DPYS: variants seen among roughly 807,000 people sequenced by gnomAD.
The protein encoded by DPYS is dihydropyrimidine amidohydrolase.
A neutral mutation model predicts 50.3 loss-of-function variants in DPYS; 39 were observed. That is an observed-to-expected ratio of 0.78 (90% confidence interval 0.60 to 1.01). The LOEUF (loss-of-function observed/expected upper bound fraction) is 1.01, where lower values mean the gene tolerates loss of function less well. DPYS is among the 50% of genes least tolerant of loss of function. The pLI is 0.00. For missense variants in DPYS, 659 were observed against 680.9 expected, an observed-to-expected ratio of 0.97 and a Z score of 0.36; for synonymous variants, 245 against 250.7, an observed-to-expected ratio of 0.98 and a Z score of 0.22.
chr8:104,433,581 C>T (rs945991763), intron 4 of DPYS, among the ~76,000 whole-genome samples: 2 of 152,046 alleles, frequency 1.3e-5, no homozygotes, highest in African/African-American at 4.8e-5. Context: ...GTGCAGTGAG[C>T]CAAGGTCATG....
chr8:104,399,491 G>T (rs920613822), intron 7 of DPYS, among the ~76,000 whole-genome samples: 9 of 152,112 alleles, frequency 5.9e-5, no homozygotes, highest in Non-Finnish European at 8.8e-5. Flanking sequence ...CCTGAGACAT[G>T]CAGGAGAACA....
In DPYS at chr8:104,429,617, G is replaced by A. The variant is rs773862108; in HGVS notation, c.878C>T (p.Ala293Val). 6 of 1,614,142 alleles carry A rather than the reference G, an allele frequency of 3.7e-6. No individual in the cohort carries two copies. In the East Asian group the frequency reaches 8.9e-5, roughly 24 times the overall value. Residue 293 changes from alanine (A) to valine (V), a missense_variant, in exon 5 of 10, where the codon GCC (alanine) becomes GTC (valine). By Grantham distance (64) the Ala-to-Val change is moderately conservative (BLOSUM62 0). Coordinates refer to ENST00000351513, the MANE Select transcript of DPYS (RefSeq NM_001385.3). ...CAAAGGTGGACCCATGACATGGTGG[G>A]CTGCATGGTGCCATTCTTTATTCCA... is the stretch of plus-strand genomic sequence containing the variant. ...HYWNKEWHHA[A>V]HHVMGPPLRP... is the part of the protein sequence containing the mutation.
intron 4 of DPYS, among the ~76,000 whole-genome samples, chr8:104,435,718 A>C (rs1213269921): frequency 6.6e-6 from 1 of 152,140 alleles, no homozygotes; most frequent in East Asian, 1.9e-4. Flanking sequence ...ATGAGCAAAA[A>C]GAAATCTCAG....
intron 3 of DPYS, 51 bp from the exon 4 acceptor site, chr8:104,444,488 C>T: frequency 6.3e-7 from 1 of 1,590,330 alleles, no homozygotes; most frequent in South Asian, 1.1e-5. Flanking sequence ...TTACTAATGA[C>T]AGATATCATT....
rs753454667 is a variant in DPYS, at chr8:104,424,242, C to T, written c.1235+5G>A. 1.9e-6 allele frequency: 3 copies of T among 1,614,110 alleles called. No homozygotes were observed. In the South Asian group the frequency reaches 3.3e-5, roughly 18 times the overall value. On this transcript the variant is annotated splice_donor_5th_base_variant and intron_variant, in intron 7 of 9. Coordinates refer to ENST00000351513, the MANE Select transcript of DPYS (RefSeq NM_001385.3). ...AAGCCAAGGAATACAAGAACTTAGA[C>T]TTACCTTGTGCCTTTTGGGTCCCAA...
chr8:104,398,757 T>C (rs1811675768), intron 7 of DPYS, among the ~76,000 whole-genome samples: 1 of 152,180 alleles, frequency 6.6e-6, no homozygotes, highest in South Asian at 2.1e-4. Flanking sequence ...AGGGCCATTG[T>C]CATATAGCAC....
intron 8 of DPYS, among the ~76,000 whole-genome samples, chr8:104,384,816 AAC>A (rs1299978521): frequency 2.6e-5 from 4 of 152,208 alleles, no homozygotes; most frequent in African/African-American, 9.7e-5. Flanking sequence ...AGGATGAGGA[AAC>A]AGAGTACTCT....
chr8:104,437,466 A>G (rs1020100588), intron 4 of DPYS, among the ~76,000 whole-genome samples: 3 of 152,196 alleles, frequency 2.0e-5, no homozygotes, highest in African/African-American at 4.8e-5. Context: ...TATATTAGCT[A>G]AAAGACTCTC....
chr8:104,389,435 C>A (rs1811317671), intron 8 of DPYS, among the ~76,000 whole-genome samples: 1 of 152,192 alleles, frequency 6.6e-6, no homozygotes, highest in Non-Finnish European at 1.5e-5. Context: ...GTTCCCAAAC[C>A]TCATTTCATT....
intron 3 of DPYS, among the ~76,000 whole-genome samples, chr8:104,445,861 C>T (rs990733625): frequency 2.0e-5 from 3 of 152,004 alleles, no homozygotes; most frequent in South Asian, 2.1e-4. Context: ...CTGGCTAACA[C>T]GGGGAAACCC....
chr8:104,387,553 C>T (rs1357649985), intron 8 of DPYS, among the ~76,000 whole-genome samples: 1 of 152,078 alleles, frequency 6.6e-6, no homozygotes, highest in African/African-American at 2.4e-5. Flanking sequence ...TAGGATACTG[C>T]AGTGATACAA....
chr8:104,444,519 C>T (rs1813464002), intron 3 of DPYS, 82 bp from the exon 4 acceptor site: 7 of 1,491,110 alleles, frequency 4.7e-6, no homozygotes, highest in Non-Finnish European at 5.5e-6. Context: ...AAATTAAATG[C>T]AATGCCAGGC....
chr8:104,450,962 A>G (rs962201671), intron 2 of DPYS, among the ~76,000 whole-genome samples: 1 of 152,242 alleles, frequency 6.6e-6, no homozygotes, highest in Admixed American at 6.5e-5. Context: ...TTACACTTAA[A>G]GCATTGATGA....
intron 7 of DPYS, among the ~76,000 whole-genome samples, chr8:104,409,746 G>A (rs1812111568): frequency 6.6e-6 from 1 of 152,086 alleles, no homozygotes; most frequent in South Asian, 2.1e-4. Flanking sequence ...CTATATGCCA[G>A]GCACCATATT....
At chr8:104,461,636 G>A (rs1814174598) in intron 1 of DPYS, among the ~76,000 whole-genome samples, 2 of 152,166 alleles carry the variant, frequency 1.3e-5, no homozygotes, top group Admixed American at 6.5e-5. Flanking sequence ...TGGGAAACAG[G>A]AAGAAAAATG....
At chr8:104,464,015 C>T (rs1336628703) in intron 1 of DPYS, among the ~76,000 whole-genome samples, 1 of 152,174 alleles carries the variant, frequency 6.6e-6, no homozygotes, top group African/African-American at 2.4e-5. Context: ...TAGACTATTG[C>T]AACACAGCCC....
chr8:104,392,723 C>A, intron 8 of DPYS, 61 bp downstream of exon 8: 1 of 1,600,020 alleles, frequency 6.2e-7, no homozygotes, highest in Non-Finnish European at 8.6e-7. Context: ...AATAACCAGC[C>A]AGACATCCAG....
Position 104,380,769 on chromosome 8 carries a change from A to C in DPYS, c.*14+415T>G, listed in dbSNP as rs187301101. 4.1e-3 allele frequency: 692 copies of C among 168,430 alleles called. 4 individuals are homozygous for C. The highest frequency in any genetic ancestry group is 0.015 in the African/African-American group (647 of 42,054). The allele number at this position is 168,430 out of a possible 1,614,324, so 10.4% of individuals were successfully genotyped here. A position where few individuals can be genotyped will look rare whatever the true frequency, so the allele number is the denominator to read the frequency against. Reference sequence around the variant, plus strand: ...TAAAGCAACATTTTATTCATTTTTCATTTATTCTAAATTTTAGAACACCGT... The same window carrying C: ...TAAAGCAACATTTTATTCATTTTTCCTTTATTCTAAATTTTAGAACACCGT... On this transcript the variant is annotated intron_variant, in intron 9 of 9. Transcript: ENST00000351513.
At chr8:104,453,920 C>T (rs1365203239) in intron 1 of DPYS, among the ~76,000 whole-genome samples, 3 of 152,096 alleles carry the variant, frequency 2.0e-5, no homozygotes, top group Non-Finnish European at 2.9e-5. Context: ...AAATATGATG[C>T]TAAGTGAGAA....
Sources: gnomAD v4.1 joint callset for allele counts (sites outside exome capture counted in the v4.1 genomes callset) on GRCh38, gnomAD v4.1.1 for gene constraint, MANE v1.5 for transcripts, NCBI Gene and HGNC (gene_info 2026-07-23, HGNC 2026-07-21) for gene names.